Variants in WDR70 observed in about 807,000 individuals in gnomAD.
WDR70 encodes the protein WD repeat domain 70, also known as WD repeat-containing protein 70.
In WDR70, 53 loss-of-function variants were observed where a neutral mutation model predicts 88.6. The observed-to-expected ratio is 0.60, with a 90% confidence interval of 0.48 to 0.75. The LOEUF is 0.75. Among genes scored for constraint, WDR70 ranks in the 30% least tolerant of loss-of-function variants. The probability of loss-of-function intolerance (pLI) is 0.00; values close to 1 mark genes in which losing one functional copy is unlikely to be tolerated. For synonymous variants in WDR70, 280 were observed against 270.0 expected (o/e 1.04, Z -0.36); for missense variants, 610 against 823.2 (o/e 0.74, Z 3.17).
chr5:37,529,469 A>G (rs1451560119), intron 9 of WDR70, among the ~76,000 whole-genome samples: 1 of 151,992 alleles, frequency 6.6e-6, no homozygotes. Context: ...GGAGTGTTTC[A>G]ATTTGTTTGT....
intron 10 of WDR70, among the ~76,000 whole-genome samples, chr5:37,677,831 G>A (rs1561065446): frequency 6.6e-6 from 1 of 152,180 alleles, no homozygotes; most frequent in African/African-American, 2.4e-5. Context: ...TGACAGTGGG[G>A]TGTTAAAGTC....
In WDR70 at chr5:37,396,495, C is replaced by T. The variant is rs749599053; in HGVS notation, c.417C>T (p.Leu139=). 1.7e-4 allele frequency: 281 copies of T among 1,613,804 alleles called. 1 individual carries two copies. The highest frequency in any genetic ancestry group is 3.2e-4 in the South Asian group (29 of 91,072). ...KPVNFMEEDI[L]GPLPPPLNEE... ...TTAATTTTATGGAGGAAGATATCCT[C>T]GGTCCTTTACCTCCACCTCTTAATG... The change falls in exon 5 of 18, where the codon CTC becomes CTT. Residue 139 remains leucine (L), a synonymous_variant. Transcript: ENST00000265107.
Position 37,704,802 on chromosome 5 carries a change from G to C in WDR70, c.1416+1715G>C, listed in dbSNP as rs373530413. 8.5e-5 allele frequency among the ~76,000 whole-genome samples: 13 copies of C among 152,204 alleles called. No individual in the cohort carries two copies. In the East Asian group the frequency reaches 2.3e-3, roughly 27 times the overall value. ...ATCTTCGGTTAGGTGTGTCTTTGGA[G>C]AGTGAGGCAGGAGAGAGATATCTAG... On this transcript the variant is annotated intron_variant, in intron 13 of 17. Transcript: ENST00000265107.
At chr5:37,727,873 G>C (rs2112707715) in intron 17 of WDR70, among the ~76,000 whole-genome samples, 1 of 152,130 alleles carries the variant, frequency 6.6e-6, no homozygotes, top group South Asian at 2.1e-4. Context: ...ACTCCACCTG[G>C]CCAGAATTTT....
At chr5:37,586,033 T>G (rs1434879065) in intron 9 of WDR70, among the ~76,000 whole-genome samples, 1 of 152,318 alleles carries the variant, frequency 6.6e-6, no homozygotes, top group South Asian at 2.1e-4. Flanking sequence ...CTTTTGCTCT[T>G]GATTTTCCTT....
At chr5:37,573,466 G>A (rs373424680) in intron 9 of WDR70, among the ~76,000 whole-genome samples, 22 of 151,814 alleles carry the variant, frequency 1.4e-4, no homozygotes, top group African/African-American at 5.3e-4. Flanking sequence ...TGCCATGTTG[G>A]TGTGCTGCAC....
intron 9 of WDR70, among the ~76,000 whole-genome samples, chr5:37,557,485 T>C (rs184103952): frequency 9.4e-4 from 143 of 152,332 alleles, no homozygotes; most frequent in African/African-American, 3.3e-3. Context: ...TGAACTCTTA[T>C]AAGCACTTTG....
intron 10 of WDR70, among the ~76,000 whole-genome samples, chr5:37,639,923 C>G (rs1353195100): frequency 6.6e-6 from 1 of 152,026 alleles, no homozygotes; most frequent in Non-Finnish European, 1.5e-5. Flanking sequence ...TAATTTTCAC[C>G]ACAGCTCACT....
chr5:37,527,553 A>C (rs931191561), intron 9 of WDR70, among the ~76,000 whole-genome samples: 11 of 151,540 alleles, frequency 7.3e-5, no homozygotes, highest in South Asian at 4.2e-4. Context: ...TAGGCAATAC[A>C]ATTCAGGACA....
At chr5:37,688,934 A>G (rs1472187912) in intron 10 of WDR70, among the ~76,000 whole-genome samples, 1 of 152,104 alleles carries the variant, frequency 6.6e-6, no homozygotes, top group African/African-American at 2.4e-5. Context: ...TTCCTAGCCG[A>G]GGGAAGCCGT....
intron 9 of WDR70, among the ~76,000 whole-genome samples, chr5:37,598,402 A>T (rs963960132): frequency 6.6e-6 from 1 of 152,196 alleles, no homozygotes; most frequent in Non-Finnish European, 1.5e-5. Flanking sequence ...ATTAAATGAG[A>T]TTAGGGATAT....
chr5:37,667,375 G>A (rs980493266), intron 10 of WDR70, among the ~76,000 whole-genome samples: 2 of 152,098 alleles, frequency 1.3e-5, no homozygotes, highest in African/African-American at 4.8e-5. Context: ...ATGTTTTACT[G>A]CACTGAATAG....
At chr5:37,441,182 A>G (rs886976273) in intron 6 of WDR70, among the ~76,000 whole-genome samples, 13 of 152,202 alleles carry the variant, frequency 8.5e-5, no homozygotes, top group African/African-American at 2.7e-4. Flanking sequence ...CGTAGAGGCA[A>G]GTGAGTTTGT....
intron 9 of WDR70, among the ~76,000 whole-genome samples, chr5:37,578,692 A>G (rs1269704319): frequency 2.0e-5 from 3 of 152,242 alleles, no homozygotes; most frequent in African/African-American, 7.2e-5. Flanking sequence ...TTTGTAAGGC[A>G]CAACTAATTA....
intron 9 of WDR70, among the ~76,000 whole-genome samples, chr5:37,593,755 C>T (rs368208322): frequency 3.9e-5 from 6 of 152,162 alleles, no homozygotes; most frequent in Non-Finnish European, 5.9e-5. Context: ...AACTAGTTTA[C>T]GGTCCCACCA....
chr5:37,488,971 A>G (rs1452357918), intron 8 of WDR70, among the ~76,000 whole-genome samples: 2 of 152,086 alleles, frequency 1.3e-5, no homozygotes, highest in Admixed American at 6.5e-5. Context: ...CTGTAGATGT[A>G]TCTATGGTGT....
intron 3 of WDR70, 157 bp downstream of exon 3, chr5:37,381,842 T>A: frequency 3.8e-6 from 2 of 532,062 alleles, no homozygotes; most frequent in South Asian, 3.8e-5. Flanking sequence ...TCACCTGAGG[T>A]CAGAAGTTTG....
At chr5:37,429,125 G>A (rs1472630356) in intron 5 of WDR70, among the ~76,000 whole-genome samples, 2 of 152,152 alleles carry the variant, frequency 1.3e-5, no homozygotes, top group Non-Finnish European at 2.9e-5. Flanking sequence ...GTGCATCGCT[G>A]TGCCTGGCTA....
intron 5 of WDR70, among the ~76,000 whole-genome samples, chr5:37,401,027 G>A (rs1022401775): frequency 6.6e-6 from 1 of 151,944 alleles, no homozygotes; most frequent in Admixed American, 6.6e-5. Context: ...TTGAGATGGG[G>A]TCTCTCTGTC....
Sources: allele counts gnomAD v4.1 joint callset (sites outside exome capture counted in the v4.1 genomes callset), GRCh38; gene constraint gnomAD v4.1.1; transcripts MANE v1.5; gene names NCBI Gene and HGNC (gene_info 2026-07-23, HGNC 2026-07-21).